The following ADAM28 variants were observed in gnomAD, a reference collection of about 807,000 sequenced individuals.
ADAM28 encodes the protein disintegrin and metalloproteinase domain-containing protein 28.
Under a neutral mutation model 101.2 loss-of-function variants are expected in ADAM28, and 105 were observed. The ratio of observed to expected loss-of-function variants is 1.04; its 90% confidence interval spans 0.89 to 1.22. The LOEUF is 1.22. Ranked by LOEUF, ADAM28 falls within the 50% of genes most tolerant of loss-of-function variation. The probability of loss-of-function intolerance (pLI) is 0.00; values close to 1 mark genes in which losing one functional copy is unlikely to be tolerated. For missense variants in ADAM28, 1,028 were observed against 945.4 expected (o/e 1.09, Z -1.15); for synonymous variants, 322 against 310.6 (o/e 1.04, Z -0.39).
At chr8:24,299,031 G>GAA (rs34327674) in intron 1 of ADAM28, among the ~76,000 whole-genome samples, 2 of 116,860 alleles carry the variant, frequency 1.7e-5, no homozygotes, top group Non-Finnish European at 3.7e-5. Flanking sequence ...TTCTCTAATA[G>GAA]AAAAAAAAAA....
chr8:24,309,971 G>C lies in ADAM28; in HGVS notation c.227+1G>C. Reference sequence around the variant, plus strand: ...CAGTGCTTTATTTGAAAAAAAACAAGTAAGTATCTTTACCTGTGATATTAT... The same window carrying C: ...CAGTGCTTTATTTGAAAAAAAACAACTAAGTATCTTTACCTGTGATATTAT... On this transcript the variant is annotated splice_donor_variant, in intron 3 of 22. Transcript: ENST00000265769. LOFTEE classifies it high-confidence loss of function. 1 of 1,555,838 alleles carries C rather than the reference G, an allele frequency of 6.4e-7. No homozygotes were observed. The highest frequency in any genetic ancestry group is 8.9e-7 in the Non-Finnish European group (1 of 1,128,604).
rs373523833 is a variant in ADAM28 at position 24,331,537 on chromosome 8, A to G, written c.1281+210A>G. 6.6e-5 allele frequency among the ~76,000 whole-genome samples: 10 copies of G among 152,110 alleles called. No homozygotes were observed. The East Asian group carries it at 1.2e-3, about 18-fold the overall frequency. On this transcript the variant is annotated intron_variant, in intron 12 of 22. Transcript: ENST00000265769. ...TGCTAATTTCTCCCCCAGGTTTCCA[A>G]CCTCATTCCTTTTTTTAAGGACTAT...
chr8:24,294,994 AACCTGTTCTT>A (rs1431274401), intron 1 of ADAM28, among the ~76,000 whole-genome samples: 1 of 152,132 alleles, frequency 6.6e-6, no homozygotes. Context: ...CCTCCCAGTA[AACCTGTTCTT>A]GGGTCTTAGA....
intron 2 of ADAM28, among the ~76,000 whole-genome samples, chr8:24,302,559 A>G (rs186480267): frequency 1.3e-5 from 2 of 152,338 alleles, no homozygotes; most frequent in East Asian, 3.9e-4. Flanking sequence ...TCCCACCAAC[A>G]GTGTAAACGC....
In ADAM28 at chr8:24,326,612, C is replaced by A. The variant is rs1812652486; in HGVS notation, c.949C>A (p.Pro317Thr). The A allele has an allele frequency of 6.2e-7, 1 of 1,611,938 alleles. No individual in the cohort carries two copies. The highest frequency in any genetic ancestry group is 8.5e-7 in the Non-Finnish European group (1 of 1,178,648). Residue 317 changes from proline to threonine, a missense_variant, in exon 10 of 23, where the codon CCT becomes ACT. Physicochemically the swap from Pro to Thr is conservative, Grantham distance 38. Transcript: ENST00000265769. Reference protein sequence around the residue: ...GLAFMSTMCSPYSVGVVQDHS... With the variant: ...GLAFMSTMCSTYSVGVVQDHS... ...TGCATTTATGTCTACAATGTGTTCTCCTTATTCTGTTGGCGTTGTTCAGGT... is the reference window on the plus strand; with the variant it reads ...TGCATTTATGTCTACAATGTGTTCTACTTATTCTGTTGGCGTTGTTCAGGT...
intron 14 of ADAM28, 30 bp from the exon 15 acceptor site, chr8:24,339,436 C>A: frequency 6.5e-7 from 1 of 1,535,516 alleles, no homozygotes; most frequent in Non-Finnish European, 8.9e-7. Context: ...AATCTATTTT[C>A]TTTTCCCTGC....
chr8:24,305,025 A>T (rs1436539714), intron 2 of ADAM28, among the ~76,000 whole-genome samples: 3 of 152,036 alleles, frequency 2.0e-5, no homozygotes, highest in Admixed American at 2.0e-4. Context: ...CCAGTTAATA[A>T]ACCTTTATTT....
chr8:24,301,305 C>T (rs1486997310), intron 2 of ADAM28, among the ~76,000 whole-genome samples: 3 of 152,154 alleles, frequency 2.0e-5, no homozygotes, highest in Admixed American at 1.3e-4. Context: ...TTCAATATGA[C>T]TTTCTTCAAA....
At chr8:24,322,166 C>T (rs1464462296) in intron 8 of ADAM28, among the ~76,000 whole-genome samples, 1 of 151,870 alleles carries the variant, frequency 6.6e-6, no homozygotes, top group African/African-American at 2.4e-5. Context: ...GAGGGCTAAA[C>T]ATTGATAATG....
chr8:24,321,363 C>A, intron 8 of ADAM28, 74 bp downstream of exon 8: 2 of 1,218,888 alleles, frequency 1.6e-6, no homozygotes, highest in Non-Finnish European at 2.4e-6. Context: ...AATGAACGCA[C>A]ATGAAGCATG....
chr8:24,331,184 C>T lies in ADAM28; in HGVS notation c.1138C>T (p.Arg380Cys), dbSNP rs1290733017. ...YIPTDFSSCS[R>C]LSYDKFFEDK... ...ACCCACAGACTTCAGTTCCTGCAGC[C>T]GTCTCAGCTATGACAAGTTTTTTGA... The change falls in exon 12 of 23, where the codon CGT (arginine) becomes TGT (cysteine). Residue 380 changes from arginine to cysteine, a missense_variant. Transcript: ENST00000265769. The T allele has an allele frequency of 5.0e-6, 8 of 1,612,882 alleles. No homozygotes were observed. The highest frequency in any genetic ancestry group is 1.3e-5 in the African/African-American group (1 of 74,840).
intron 6 of ADAM28, among the ~76,000 whole-genome samples, chr8:24,319,533 G>C (rs1022208522): frequency 7.9e-5 from 12 of 151,894 alleles, no homozygotes; most frequent in African/African-American, 2.9e-4. Flanking sequence ...CTATCTTCAG[G>C]AGTTTCTTCT....
intron 2 of ADAM28, 62 bp from the exon 3 acceptor site, chr8:24,309,832 G>T (rs1810207398): frequency 1.3e-5 from 16 of 1,245,202 alleles, no homozygotes; most frequent in Non-Finnish European, 1.9e-5. Context: ...TACACAGATA[G>T]AAATATAATA....
At chr8:24,301,526 C>A (rs748847136) in intron 2 of ADAM28, among the ~76,000 whole-genome samples, 19 of 152,120 alleles carry the variant, frequency 1.2e-4, no homozygotes, top group Non-Finnish European at 2.6e-4. Flanking sequence ...TTAGTCCTTT[C>A]AACAAACATA....
rs5890146 is a variant in ADAM28 at position 24,325,871 on chromosome 8, C to CAAAAAAAAAAAAAAAA, written c.891-669_891-654dup. Reference sequence around the variant, plus strand: ...AAGGGCCAGGATCTTGTACAGATAGCAAAAAAAAAAAAAAAAAAAAAAAAA... The same window carrying CAAAAAAAAAAAAAAAA: ...AAGGGCCAGGATCTTGTACAGATAGCAAAAAAAAAAAAAAAAAAAAAAAAAAAAAAAAAAAAAAAAA... On this transcript the variant is annotated intron_variant, in intron 9 of 22. Transcript: ENST00000265769. 6.4e-4 allele frequency among the ~76,000 whole-genome samples: 13 copies of CAAAAAAAAAAAAAAAA among 20,422 alleles called. 2 individuals are homozygous for CAAAAAAAAAAAAAAAA. Among genetic ancestry groups the CAAAAAAAAAAAAAAAA allele is most frequent in the African/African-American group, 8.8e-4 (4 of 4,532 alleles). 13.4% of individuals were successfully genotyped at this position (20,422 alleles called of 152,430 possible). A position where few individuals can be genotyped will look rare whatever the true frequency, so the allele number is the denominator to read the frequency against.
At chr8:24,325,273 T>C (rs545953016) in intron 9 of ADAM28, among the ~76,000 whole-genome samples, 1 of 151,994 alleles carries the variant, frequency 6.6e-6, no homozygotes, top group African/African-American at 2.4e-5. Context: ...TAAATGACGA[T>C]ACAATGTCAA....
chr8:24,295,627 C>A (rs974664371), intron 1 of ADAM28, among the ~76,000 whole-genome samples: 2 of 152,084 alleles, frequency 1.3e-5, no homozygotes, highest in African/African-American at 4.8e-5. Context: ...CACTGGGGCC[C>A]ATGCACATTA....
In ADAM28 at chr8:24,326,710, T is replaced by C. The variant is rs999607197; in HGVS notation, c.972+75T>C. The C allele has an allele frequency of 1.2e-5, 17 of 1,393,664 alleles. No homozygotes were observed. In the African/African-American group the frequency reaches 2.2e-4, roughly 18 times the overall value. The allele number at this position is 1,393,664 out of a possible 1,614,324, so 86.3% of individuals were successfully genotyped here. A position where few individuals can be genotyped will look rare whatever the true frequency, so the allele number is the denominator to read the frequency against. The stretch of plus-strand genomic sequence containing the variant: ...CTTTTTAAAAAATCTATAGAGAAGA[T>C]CATGATAGTTTTTCTCTGTAGTCTG... On this transcript the variant is annotated intron_variant, in intron 10 of 22. Coordinates refer to ENST00000265769, the MANE Select transcript of ADAM28 (RefSeq NM_014265.6).
At chr8:24,308,340 C>T (rs945335752) in intron 2 of ADAM28, among the ~76,000 whole-genome samples, 1 of 151,812 alleles carries the variant, frequency 6.6e-6, no homozygotes, top group African/African-American at 2.4e-5. Context: ...CATAGAGGCC[C>T]TGGCTTTCTT....
Sources: gnomAD v4.1 joint callset for allele counts (sites outside exome capture counted in the v4.1 genomes callset) on GRCh38, gnomAD v4.1.1 for gene constraint, MANE v1.5 for transcripts, NCBI Gene and HGNC (gene_info 2026-07-23, HGNC 2026-07-21) for gene names.